The following GCSAM variants were observed in gnomAD, a reference collection of about 807,000 sequenced individuals.
The protein encoded by GCSAM is germinal center associated signaling and motility.
Under a neutral mutation model 17.6 loss-of-function variants are expected in GCSAM, and 8 were observed. The observed-to-expected ratio is 0.46, with a 90% CI of 0.27 to 0.82. GCSAM has a LOEUF of 0.82. Among genes scored for constraint, GCSAM ranks in the 40% least tolerant of loss-of-function variants. The probability of loss-of-function intolerance (pLI) is 0.15; values close to 1 mark genes in which losing one functional copy is unlikely to be tolerated. For missense variants in GCSAM, 192 were observed against 213.5 expected (o/e 0.90, Z 0.63); for synonymous variants, 68 against 69.0 (o/e 0.98, Z 0.07).
intron 2 of GCSAM, chr3:112,129,154 A>T (rs1201613207): frequency 6.6e-6 from 1 of 152,194 alleles, no homozygotes; most frequent in Non-Finnish European, 1.5e-5. Flanking sequence ...TGCTTACATT[A>T]TCTGCTTTGT....
rs549953790 is a variant in GCSAM at position 112,131,443 on chromosome 3, A to G, written c.30-930T>C. Among the ~76,000 whole-genome samples the G allele has an allele frequency of 7.4e-4, 112 of 152,324 alleles. 1 individual carries two copies. In the South Asian group the frequency reaches 0.021, roughly 28 times the overall value. On this transcript the variant is annotated intron_variant, in intron 1 of 5. Transcript: ENST00000308910. ...GGGTGACAATGAAAATTAGATACCA[A>G]TATATACAAGACTTTTGAATACGTT...
chr3:112,123,718 G>C lies in GCSAM; in HGVS notation c.274C>G (p.Arg92Gly). The change falls in exon 6 of 6, where the codon CGG (arginine) becomes GGG (glycine). Residue 92 changes from arginine (R) to glycine (G), a missense_variant. Arg to Gly is a moderately radical substitution (Grantham distance 125). Coordinates refer to ENST00000308910, the MANE Select transcript of GCSAM (RefSeq NM_152785.5). ...EELCYTLINH[R>G]VLCTRPSGNS... The stretch of plus-strand genomic sequence containing the variant: ...CCTGATGGCCTTGTACAGAGAACCC[G>C]ATGATTGATGAGGGTATAGCACAGC... 13 of 1,613,920 alleles carry C rather than the reference G, an allele frequency of 8.1e-6. No homozygotes were observed. The highest frequency in any genetic ancestry group is 1.1e-5 in the Non-Finnish European group (13 of 1,179,792).
At chr3:112,130,377 C>G in intron 2 of GCSAM, 68 bp downstream of exon 2, 1 of 1,279,676 alleles carries the variant, frequency 7.8e-7, no homozygotes. Context: ...GATGTGAAGT[C>G]CAGGGCTTGA....
chr3:112,129,667 T>C (rs1452652077), intron 2 of GCSAM: 1 of 152,192 alleles, frequency 6.6e-6, no homozygotes, highest in Non-Finnish European at 1.5e-5. Context: ...ATGATACCCC[T>C]GAAAATATGT....
rs937979356 is a variant in GCSAM, at chr3:112,122,837, A to G, written c.*618T>C. The G allele has an allele frequency of 4.6e-5, 7 of 152,304 alleles. No homozygotes were observed. Among genetic ancestry groups the G allele is most frequent in the African/African-American group, 1.7e-4 (7 of 41,470 alleles). The allele number at this position is 152,304 out of a possible 1,614,324, so 9.4% of individuals were successfully genotyped here. A position where few individuals can be genotyped will look rare whatever the true frequency, so the allele number is the denominator to read the frequency against. On this transcript the variant is annotated 3_prime_UTR_variant, in exon 6 of 6. Coordinates refer to ENST00000308910, the MANE Select transcript of GCSAM (RefSeq NM_152785.5). ...TATTAAGATTTCTAGGGAGAAATACAAAGTTAAAAATAAAATCATATAGGT... is the reference window on the plus strand; with the variant it reads ...TATTAAGATTTCTAGGGAGAAATACGAAGTTAAAAATAAAATCATATAGGT...
At chr3:112,130,380 G>T in intron 2 of GCSAM, 65 bp downstream of exon 2, 1 of 1,317,182 alleles carries the variant, frequency 7.6e-7, no homozygotes, top group Non-Finnish European at 1.1e-6. Flanking sequence ...GTGAAGTCCA[G>T]GGCTTGACAT....
intron 1 of GCSAM, 161 bp downstream of exon 1, chr3:112,132,931 T>C: frequency 1.5e-6 from 1 of 647,034 alleles, no homozygotes; most frequent in Non-Finnish European, 2.6e-6. Context: ...TTTAATGTGG[T>C]ATCTGGCACA....
At chr3:112,126,676 C>G (rs1262130803) in intron 4 of GCSAM, among the ~76,000 whole-genome samples, 1 of 152,310 alleles carries the variant, frequency 6.6e-6, no homozygotes, top group South Asian at 2.1e-4. Flanking sequence ...TCCCCTATCC[C>G]AGGCTGGCTT....
intron 5 of GCSAM, among the ~76,000 whole-genome samples, chr3:112,124,737 A>T (rs2074273460): frequency 6.6e-6 from 1 of 152,368 alleles, no homozygotes; most frequent in Non-Finnish European, 1.5e-5. Flanking sequence ...GGTTTCACTT[A>T]TGATGGGATA....
In GCSAM at chr3:112,123,235, C is replaced by G. The variant is rs748600003; in HGVS notation, c.*220G>C. 4.1e-5 allele frequency: 33 copies of G among 809,818 alleles called. No individual in the cohort carries two copies. The highest frequency in any genetic ancestry group is 6.0e-5 in the Non-Finnish European group (32 of 536,642). 50.2% of individuals were successfully genotyped at this position (809,818 alleles called of 1,614,324 possible). A position where few individuals can be genotyped will look rare whatever the true frequency, so the allele number is the denominator to read the frequency against. On this transcript the variant is annotated 3_prime_UTR_variant, in exon 6 of 6. Coordinates refer to ENST00000308910, the MANE Select transcript of GCSAM (RefSeq NM_152785.5). ...AACCATGTAGAACCAAAGATGGTTA[C>G]CTCTTTCTCAAATGGTGTTGTTCAG...
intron 3 of GCSAM, among the ~76,000 whole-genome samples, chr3:112,127,287 A>G (rs2074348466): frequency 6.6e-6 from 1 of 152,152 alleles, no homozygotes. Flanking sequence ...TGATTTATAG[A>G]TGGGGAAATA....
chr3:112,123,135 C>T lies in GCSAM; in HGVS notation c.*320G>A. On this transcript the variant is annotated 3_prime_UTR_variant, in exon 6 of 6. Transcript: ENST00000308910. ...GAACACTTTATAAGAAGATCCCAGACAGAAGAGCAGAGCCCCTTGTGGTGT... is the reference window on the plus strand; with the variant it reads ...GAACACTTTATAAGAAGATCCCAGATAGAAGAGCAGAGCCCCTTGTGGTGT... 1 of 326,430 alleles carries T rather than the reference C, an allele frequency of 3.1e-6. No individual in the cohort carries two copies. Among genetic ancestry groups the T allele is most frequent in the Non-Finnish European group, 5.7e-6 (1 of 176,204 alleles). 20.2% of individuals were successfully genotyped at this position (326,430 alleles called of 1,614,324 possible).
intron 1 of GCSAM, among the ~76,000 whole-genome samples, chr3:112,131,419 G>T (rs936938718): frequency 1.3e-5 from 2 of 152,100 alleles, no homozygotes; most frequent in African/African-American, 4.8e-5. Flanking sequence ...TGGGTGTTGG[G>T]GTGACAATGA....
At chr3:112,125,352 A>G in intron 4 of GCSAM, 98 bp from the exon 5 acceptor site, 2 of 824,090 alleles carry the variant, frequency 2.4e-6, no homozygotes, top group Non-Finnish European at 4.2e-6. Flanking sequence ...AAAGCCAAGA[A>G]ACAGCTGGGG....
intron 5 of GCSAM, 101 bp downstream of exon 5, chr3:112,125,125 T>C (rs1213987311): frequency 2.5e-6 from 2 of 790,792 alleles, no homozygotes; most frequent in East Asian, 4.9e-5. Flanking sequence ...TTTCTCCATG[T>C]AAGGGTCAGA....
chr3:112,130,341 G>C, intron 2 of GCSAM, 104 bp downstream of exon 2: 1 of 879,318 alleles, frequency 1.1e-6, no homozygotes, highest in Non-Finnish European at 1.9e-6. Flanking sequence ...ACTGCTACTG[G>C]TCTAAACAGG....
chr3:112,123,905 T>G, intron 5 of GCSAM, 133 bp from the exon 6 acceptor site: 6 of 895,856 alleles, frequency 6.7e-6, no homozygotes, highest in Non-Finnish European at 1.0e-5. Flanking sequence ...CTTGGCCATT[T>G]TTTTCTAAAT....
rs1331769284 is a variant in GCSAM, at chr3:112,123,611, C to G, written c.381G>C (p.Glu127Asp). 3 of 1,614,138 alleles carry G rather than the reference C, an allele frequency of 1.9e-6. No individual in the cohort carries two copies. The highest frequency in any genetic ancestry group is 2.5e-6 in the Non-Finnish European group (3 of 1,180,002). Residue 127 changes from glutamate to aspartate, a missense_variant, in exon 6 of 6, where the codon GAG (glutamate) becomes GAC (aspartate). Glu to Asp is a conservative substitution (Grantham distance 45, BLOSUM62 2). Coordinates refer to ENST00000308910, the MANE Select transcript of GCSAM (RefSeq NM_152785.5). ...TAGAAGGCATATGTAGAAGTGAATA[C>G]TCAGTCTCAGTTCCTCCCAAGGACT... ...PRESLGGTET[E>D]YSLLHMPSTD...
intron 3 of GCSAM, 134 bp downstream of exon 3, chr3:112,127,883 A>G: frequency 2.9e-6 from 2 of 686,460 alleles, no homozygotes; most frequent in Non-Finnish European, 5.2e-6. Flanking sequence ...TTCCCTGATT[A>G]ACTCTTAGGT....
Sources: allele counts gnomAD v4.1 joint callset (sites outside exome capture counted in the v4.1 genomes callset), GRCh38; gene constraint gnomAD v4.1.1; transcripts MANE v1.5; gene names NCBI Gene and HGNC (gene_info 2026-07-23, HGNC 2026-07-21).